The following PDIK1L variants were observed in gnomAD, a reference collection of about 807,000 sequenced individuals.
PDIK1L encodes PDLIM1 interacting kinase 1 like.
Under a neutral mutation model 27.1 loss-of-function variants are expected in PDIK1L, and 9 were observed. That is an observed-to-expected ratio of 0.33 (90% CI 0.20 to 0.58). PDIK1L has a LOEUF of 0.58. PDIK1L is among the 20% of genes least tolerant of loss of function. The probability of loss-of-function intolerance (pLI) is 0.86; values close to 1 mark genes in which losing one functional copy is unlikely to be tolerated. For synonymous variants in PDIK1L, 130 were observed against 141.7 expected, an observed-to-expected ratio of 0.92 and a Z score of 0.59; for missense variants, 216 against 413.2, an observed-to-expected ratio of 0.52 and a Z score of 4.14.
In PDIK1L at chr1:26,114,713, G is replaced by C; in HGVS notation, c.285+120G>C. On this transcript the variant is annotated intron_variant, in intron 2 of 2. Transcript: ENST00000374269. The surrounding 1 kb of genome is among the most constrained non-coding windows in gnomAD (Gnocchi z 4.8). ...ATGCAGGTGTTTGTAGTTAGAAGTA[G>C]ATAAGTGTCTGCCAAGAATTGAGTA... 8.9e-7 allele frequency: 1 copy of C among 1,120,662 alleles called. No homozygotes were observed. Among genetic ancestry groups the C allele is most frequent in the Non-Finnish European group, 1.3e-6 (1 of 793,036 alleles). 69.4% of individuals were successfully genotyped at this position (1,120,662 alleles called of 1,614,324 possible). A position where few individuals can be genotyped will look rare whatever the true frequency, so the allele number is the denominator to read the frequency against.
At chr1:26,112,471 TC>T (rs1385094937) in intron 1 of PDIK1L, 1 of 152,288 alleles carries the variant, frequency 6.6e-6, no homozygotes, top group Non-Finnish European at 1.5e-5. Flanking sequence ...AAGGTGCTCT[TC>T]CCCATGGGGA....
chr1:26,116,030 G>C (rs892860086), intron 2 of PDIK1L, among the ~76,000 whole-genome samples: 1 of 151,808 alleles, frequency 6.6e-6, no homozygotes, highest in East Asian at 1.9e-4. Flanking sequence ...GCAAAACCCT[G>C]TCTCTACTAA....
At chr1:26,119,561 G>A (rs959198934) in intron 2 of PDIK1L, among the ~76,000 whole-genome samples, 18 of 151,778 alleles carry the variant, frequency 1.2e-4, no homozygotes, top group Admixed American at 2.0e-4. Flanking sequence ...CACATGAAGT[G>A]TTTAAAAATT....
intron 2 of PDIK1L, among the ~76,000 whole-genome samples, chr1:26,117,539 A>T (rs1569809318): frequency 2.0e-5 from 3 of 152,164 alleles, no homozygotes; most frequent in Admixed American, 1.3e-4. Flanking sequence ...AGATTGGCTG[A>T]GCTCAGGAGT....
At chr1:26,116,781 T>A (rs1444315829) in intron 2 of PDIK1L, among the ~76,000 whole-genome samples, 1 of 152,140 alleles carries the variant, frequency 6.6e-6, no homozygotes, top group Non-Finnish European at 1.5e-5. Flanking sequence ...AGTGGTGCAA[T>A]CTCGGCTTAC....
chr1:26,115,462 T>C (rs577642937), intron 2 of PDIK1L, among the ~76,000 whole-genome samples: 3 of 152,370 alleles, frequency 2.0e-5, no homozygotes, highest in African/African-American at 7.2e-5. Flanking sequence ...ATAGAAAATA[T>C]ATTAAGACAT....
chr1:26,115,829 A>G (rs1218550706), intron 2 of PDIK1L, among the ~76,000 whole-genome samples: 10 of 151,562 alleles, frequency 6.6e-5, no homozygotes, highest in Admixed American at 6.6e-4. Context: ...GAAACTAGTC[A>G]TTCTTGGAAA....
intron 2 of PDIK1L, among the ~76,000 whole-genome samples, chr1:26,120,781 G>A (rs572391124): frequency 2.0e-5 from 3 of 152,140 alleles, no homozygotes; most frequent in South Asian, 4.1e-4. Context: ...GTGAAACCCC[G>A]TCTCTACTAA....
Position 26,122,080 on chromosome 1 carries a change from T to G in PDIK1L, c.529T>G (p.Leu177Val), listed in dbSNP as rs1198309714. 2 of 1,613,548 alleles carry G rather than the reference T, an allele frequency of 1.2e-6. No individual in the cohort carries two copies. Among genetic ancestry groups the G allele is most frequent in the African/African-American group, 2.7e-5 (2 of 74,762 alleles). The stretch of plus-strand genomic sequence containing the variant: ...TAACATCCTGATTTCTCAAACCAGG[T>G]TGGATACCAGTGACTTGGAACCTAC... ...PDNILISQTRLDTSDLEPTLK... is the reference protein window; with the variant it reads ...PDNILISQTRVDTSDLEPTLK... The change falls in exon 3 of 3, where the codon TTG becomes GTG. Residue 177 changes from leucine (L) to valine (V), a missense_variant. Coordinates refer to ENST00000374269, the MANE Select transcript of PDIK1L (RefSeq NM_152835.5). This position sits in a 1 kb window ranked among gnomAD's most constrained non-coding sequence, Gnocchi z 5.4.
chr1:26,122,435 T>G lies in PDIK1L; in HGVS notation c.884T>G (p.Val295Gly). The G allele has an allele frequency of 1.2e-6, 2 of 1,614,114 alleles. No homozygotes were observed. Among genetic ancestry groups the G allele is most frequent in the Non-Finnish European group, 1.7e-6 (2 of 1,180,002 alleles). ...CCCAAAATGGAACTTCTCATTCCTG[T>G]GAAGAAAAAATCTATGAATGGGCGA... is the stretch of plus-strand genomic sequence containing the variant. ...ENPKMELLIP[V>G]KKKSMNGRMK... Residue 295 changes from valine (V) to glycine (G), a missense_variant, in exon 3 of 3, where the codon GTG becomes GGG. By Grantham distance (109) the Val-to-Gly change is moderately radical. This residue lies in a region of PDIK1L where 169 missense variants were observed against 366.0 expected (regional missense o/e 0.46). Coordinates refer to ENST00000374269, the MANE Select transcript of PDIK1L (RefSeq NM_152835.5). This position sits in a 1 kb window ranked among gnomAD's most constrained non-coding sequence, Gnocchi z 5.4.
rs190856209 is a variant in PDIK1L at position 26,116,808 on chromosome 1, C to T, written c.285+2215C>T. On this transcript the variant is annotated intron_variant, in intron 2 of 2. Coordinates refer to ENST00000374269, the MANE Select transcript of PDIK1L (RefSeq NM_152835.5). ...TCGGCTTACTGCCACCTCCGCCTCCCGGGTTCAAGCAGTTCTCCTGCCTCA... is the reference window on the plus strand; with the variant it reads ...TCGGCTTACTGCCACCTCCGCCTCCTGGGTTCAAGCAGTTCTCCTGCCTCA... Among the ~76,000 whole-genome samples, 220 of 152,020 alleles carry T rather than the reference C, an allele frequency of 1.4e-3. 1 individual carries two copies. The highest frequency in any genetic ancestry group is 3.4e-3 in the African/African-American group (143 of 41,488).
intron 2 of PDIK1L, among the ~76,000 whole-genome samples, chr1:26,116,909 T>C (rs924610750): frequency 5.9e-5 from 9 of 151,962 alleles, no homozygotes; most frequent in African/African-American, 1.9e-4. Context: ...AGAGATGAGA[T>C]TTCACCATGT....
chr1:26,119,766 G>A (rs1359922501), intron 2 of PDIK1L, among the ~76,000 whole-genome samples: 1 of 152,174 alleles, frequency 6.6e-6, no homozygotes, highest in Non-Finnish European at 1.5e-5. Flanking sequence ...GGCTGAGGCA[G>A]GAGAGTCTCT....
chr1:26,116,109 C>A (rs56078964), intron 2 of PDIK1L, among the ~76,000 whole-genome samples: 25,115 of 151,274 alleles, frequency 0.17, 2,249 homozygotes, highest in Middle Eastern at 0.23. Flanking sequence ...AGCCTGAGGC[C>A]GGAGAATCTC....
At chr1:26,111,630 G>A (rs963962381), upstream of PDIK1L, among the ~76,000 whole-genome samples, 3 of 151,458 alleles carry the variant, frequency 2.0e-5, no homozygotes, top group Admixed American at 6.6e-5. The surrounding 1 kb of genome is among the most constrained non-coding windows in gnomAD (Gnocchi z 4.0). Flanking sequence ...GGTGCGCTCC[G>A]GAGCGCGCAC....
chr1:26,114,300 A>G lies in PDIK1L; in HGVS notation c.-9A>G. ...TTTGTTGATTTTTCCAGAAACCTCG[A>G]CCTTGAAGATGGTGAGTAGCCAGCC... is the stretch of plus-strand genomic sequence containing the variant. On this transcript the variant is annotated 5_prime_UTR_variant, in exon 2 of 3. Coordinates refer to ENST00000374269, the MANE Select transcript of PDIK1L (RefSeq NM_152835.5). The surrounding 1 kb of genome is among the most constrained non-coding windows in gnomAD (Gnocchi z 4.8). 6.2e-7 allele frequency: 1 copy of G among 1,604,926 alleles called. No homozygotes were observed. The highest frequency in any genetic ancestry group is 8.5e-7 in the Non-Finnish European group (1 of 1,172,544).
chr1:26,118,984 C>A (rs2087926659), intron 2 of PDIK1L, among the ~76,000 whole-genome samples: 2 of 152,168 alleles, frequency 1.3e-5, no homozygotes, highest in African/African-American at 2.4e-5. Flanking sequence ...AAATGTAAAA[C>A]AATTAACAGA....
intron 1 of PDIK1L, among the ~76,000 whole-genome samples, chr1:26,113,501 A>AT (rs1267132058): frequency 5.5e-5 from 8 of 146,056 alleles, no homozygotes; most frequent in Non-Finnish European, 8.9e-5. Flanking sequence ...CTCCGTCTAA[A>AT]AAAAAAAAAA....
rs1236158172 is a variant in PDIK1L, at chr1:26,114,437, A to G, written c.129A>G (p.Ala43=). The G allele has an allele frequency of 1.2e-5, 20 of 1,613,988 alleles. No homozygotes were observed. Among genetic ancestry groups the G allele is most frequent in the Non-Finnish European group, 1.6e-5 (19 of 1,179,998 alleles). The change falls in exon 2 of 3, where the codon GCA becomes GCG. Residue 43 remains alanine, a synonymous_variant. Coordinates refer to ENST00000374269, the MANE Select transcript of PDIK1L (RefSeq NM_152835.5). The surrounding 1 kb of genome is among the most constrained non-coding windows in gnomAD (Gnocchi z 4.8). Reference sequence around the variant, plus strand: ...CAGTGAAGAAAATTCGATGTCACGCACCTGAAAATGTTGAACTAGCCCTTC... The same window carrying G: ...CAGTGAAGAAAATTCGATGTCACGCGCCTGAAAATGTTGAACTAGCCCTTC... ...RVAVKKIRCH[A]PENVELALRE...
Sources: allele counts gnomAD v4.1 joint callset (sites outside exome capture counted in the v4.1 genomes callset), GRCh38; gene constraint gnomAD v4.1.1; regional missense constraint gnomAD v4.1.1; non-coding constraint Gnocchi (gnomAD v3.1); transcripts MANE v1.5; gene names NCBI Gene and HGNC (gene_info 2026-07-23, HGNC 2026-07-21).